ZUP1: variants seen among roughly 807,000 people sequenced by gnomAD.
The protein encoded by ZUP1 is zinc finger-containing ubiquitin peptidase 1.
In ZUP1, 55 loss-of-function variants were observed where a neutral mutation model predicts 68.1. The observed-to-expected ratio is 0.81, with a 90% CI of 0.65 to 1.01. The LOEUF (loss-of-function observed/expected upper bound fraction) is 1.01. ZUP1 is among the 50% of genes least tolerant of loss of function. The pLI, the probability that ZUP1 is intolerant of heterozygous loss-of-function variation, is 0.00. For missense variants in ZUP1, 684 were observed against 674.9 expected, an observed-to-expected ratio of 1.01 and a Z score of -0.15; for synonymous variants, 223 against 221.5, an observed-to-expected ratio of 1.01 and a Z score of -0.06.
At position 116,656,569 on chromosome 6, in the gene ZUP1, T is replaced by A. The variant is rs948707856; in HGVS notation, c.961+115A>T. The stretch of plus-strand genomic sequence containing the variant: ...CAGAAGTTTTAAAACAATACATTTT[T>A]AAAAAAATATTTGTGCACAGATTAT... On this transcript the variant is annotated intron_variant, in intron 5 of 9. Transcript: ENST00000368576. 45 of 807,154 alleles carry A rather than the reference T, an allele frequency of 5.6e-5. 1 individual carries two copies. The highest frequency in any genetic ancestry group is 4.8e-4 in the South Asian group (25 of 51,736). 50.0% of individuals were successfully genotyped at this position (807,154 alleles called of 1,614,324 possible).
Position 116,643,191 on chromosome 6 carries a change from T to G in ZUP1, c.1689+2523A>C, listed in dbSNP as rs368784879. Among the ~76,000 whole-genome samples the G allele has an allele frequency of 2.1e-3, 313 of 152,190 alleles. 8 individuals carry two copies. In the East Asian group the frequency reaches 0.045, roughly 22 times the overall value. On this transcript the variant is annotated intron_variant, in intron 9 of 9. Transcript: ENST00000368576. ...CACCGCTCAATGAAATAAAAGAGGA[T>G]ACAAACAAATGGAAGAACATTCTAT...
In ZUP1 at chr6:116,666,820, C is replaced by A; in HGVS notation, c.373G>T (p.Glu125Ter). Residue 125 changes from glutamate to a stop codon, truncating the protein, a stop_gained, in exon 2 of 10, where the codon GAA becomes TAA. Transcript: ENST00000368576. LOFTEE classifies it high-confidence loss of function. ...HEGFYSENLT[E>*]SRKFLKSREK... ...CTACTTTTCAGGAATTTTCTAGATT[C>A]AGTTAAGTTCTCTGAATAGAAGCCT... The A allele has an allele frequency of 1.2e-6, 2 of 1,612,804 alleles. No individual in the cohort carries two copies.
In ZUP1 at chr6:116,656,786, C is replaced by T; in HGVS notation, c.859G>A (p.Val287Ile). 1 of 1,610,642 alleles carries T rather than the reference C, an allele frequency of 6.2e-7. No individual in the cohort carries two copies. Reference sequence around the variant, plus strand: ...GATGGAGGCATTCTTCCCCTATTTACTTCTATCTCCATATTTCGTAGTTGT... The same window carrying T: ...GATGGAGGCATTCTTCCCCTATTTATTTCTATCTCCATATTTCGTAGTTGT... ...QQQLRNMEIEVNRGRMPPSEF... is the reference protein window; with the variant it reads ...QQQLRNMEIEINRGRMPPSEF... Residue 287 changes from valine to isoleucine, a missense_variant, in exon 5 of 10, where the codon GTA becomes ATA. By Grantham distance (29) the Val-to-Ile change is conservative. Transcript: ENST00000368576.
chr6:116,647,469 AAGAT>A lies in ZUP1; in HGVS notation c.1454_1457del (p.Tyr485PhefsTer24), dbSNP rs756262362. 8.9e-6 allele frequency: 14 copies of A among 1,566,022 alleles called. No individual in the cohort carries two copies. The highest frequency in any genetic ancestry group is 6.0e-5 in the South Asian group (5 of 83,170). Reference sequence around the variant, plus strand: ...TATATTAATACTAACCTTGATGCTGAAGATAGATAGGAGGTTTAGATGTACACAC... The same window carrying A: ...TATATTAATACTAACCTTGATGCTGAAGATAGGAGGTTTAGATGTACACAC... On this transcript the variant is annotated frameshift_variant, in exon 8 of 10. Coordinates refer to ENST00000368576, the MANE Select transcript of ZUP1 (RefSeq NM_145062.3). LOFTEE classifies it high-confidence loss of function.
intron 9 of ZUP1, among the ~76,000 whole-genome samples, chr6:116,639,069 G>A (rs752545427): frequency 4.6e-5 from 7 of 152,202 alleles, no homozygotes; most frequent in Admixed American, 1.3e-4. Flanking sequence ...CTACGCCCAC[G>A]GAGTCTCCCT....
rs1039255794 is a variant in ZUP1, at chr6:116,635,866, G to A, written c.1703C>T (p.Ala568Val). Residue 568 changes from alanine (A) to valine (V), a missense_variant, in exon 10 of 10, where the codon GCT (alanine) becomes GTT (valine). Coordinates refer to ENST00000368576, the MANE Select transcript of ZUP1 (RefSeq NM_145062.3). ...SLEEKLARRQ[A>V]SQVFTAEKIP ...CTTCTCGGCTGTAAAGACTTGAGAA[G>A]CTTGTCTCCTGGCCTTGAAAAGAAA... The A allele has an allele frequency of 3.8e-6, 6 of 1,595,392 alleles. No individual in the cohort carries two copies. The African/African-American group carries it at 8.1e-5, about 21-fold the overall frequency.
Position 116,652,008 on chromosome 6 carries a change from T to C in ZUP1, c.1146A>G (p.Leu382=). 1 of 1,613,784 alleles carries C rather than the reference T, an allele frequency of 6.2e-7. No individual in the cohort carries two copies. The highest frequency in any genetic ancestry group is 1.3e-5 in the African/African-American group (1 of 75,050). The change falls in exon 6 of 10, where the codon TTA becomes TTG. Residue 382 remains leucine, a synonymous_variant. Coordinates refer to ENST00000368576, the MANE Select transcript of ZUP1 (RefSeq NM_145062.3). ...LLQNDAYNDC[L]KGMLIPCIPK... ...AGAGTACTAGATTTCACATACCTTT[T>C]AAGCAATCGTTGTAAGCATCATTTT...
chr6:116,653,258 T>C (rs1192784986), intron 5 of ZUP1, among the ~76,000 whole-genome samples: 1 of 151,990 alleles, frequency 6.6e-6, no homozygotes, highest in East Asian at 1.9e-4. Flanking sequence ...TATTTTTGTG[T>C]CCCCAAGGTA....
Position 116,645,751 on chromosome 6 carries a change from A to G in ZUP1, c.1652T>C (p.Leu551Ser). The part of the protein sequence containing the change: ...GNLKHKQYQI[L>S]AVEGALSLEE... ...TAGAGAAAGAGCACCCTCTACTGCC[A>G]ATATCTGGTATTGCTTATGTTTTAA... Residue 551 changes from leucine (L) to serine (S), a missense_variant, in exon 9 of 10, where the codon TTG becomes TCG. Coordinates refer to ENST00000368576, the MANE Select transcript of ZUP1 (RefSeq NM_145062.3). The G allele has an allele frequency of 1.9e-6, 3 of 1,613,824 alleles. No individual in the cohort carries two copies. Among genetic ancestry groups the G allele is most frequent in the Non-Finnish European group, 2.5e-6 (3 of 1,179,896 alleles).
intron 2 of ZUP1, among the ~76,000 whole-genome samples, chr6:116,662,193 C>A (rs145748757): frequency 2.6e-5 from 4 of 152,084 alleles, no homozygotes; most frequent in South Asian, 2.1e-4. Context: ...GTAATGCTGG[C>A]GGATGTAAGA....
At chr6:116,645,121 C>T (rs1056192451) in intron 9 of ZUP1, among the ~76,000 whole-genome samples, 1 of 146,574 alleles carries the variant, frequency 6.8e-6, no homozygotes, top group Non-Finnish European at 1.5e-5. Context: ...ATTTAAAATG[C>T]AAAAAAATTA....
At chr6:116,667,308 T>C in intron 1 of ZUP1, 101 bp from the exon 2 acceptor site, 1 of 701,278 alleles carries the variant, frequency 1.4e-6, no homozygotes, top group Non-Finnish European at 2.1e-6. Flanking sequence ...TGGATTATTT[T>C]GATGAAGAAG....
At chr6:116,666,509 G>A in intron 2 of ZUP1, 125 bp downstream of exon 2, 1 of 650,196 alleles carries the variant, frequency 1.5e-6, no homozygotes, top group South Asian at 3.6e-5. Flanking sequence ...AATGAAAAAT[G>A]TTATAGACAT....
chr6:116,665,716 G>A (rs1391897991), intron 2 of ZUP1, among the ~76,000 whole-genome samples: 2 of 149,592 alleles, frequency 1.3e-5, no homozygotes, highest in African/African-American at 4.9e-5. Context: ...AATAGCTGGG[G>A]CTACAGACGC....
Position 116,656,793 on chromosome 6 carries a change from C to A in ZUP1, c.852G>T (p.Glu284Asp), listed in dbSNP as rs1351703575. The A allele has an allele frequency of 6.8e-6, 11 of 1,610,332 alleles. No homozygotes were observed. The highest frequency in any genetic ancestry group is 9.3e-6 in the Non-Finnish European group (11 of 1,177,572). ...GYKQQQLRNM[E>D]IEVNRGRMPP... ...GCATTCTTCCCCTATTTACTTCTAT[C>A]TCCATATTTCGTAGTTGTTGTTGTT... Residue 284 changes from glutamate (E) to aspartate (D), a missense_variant, in exon 5 of 10, where the codon GAG becomes GAT. Transcript: ENST00000368576.
chr6:116,656,655 A>T, intron 5 of ZUP1, 29 bp downstream of exon 5: 1 of 1,578,616 alleles, frequency 6.3e-7, no homozygotes, highest in Admixed American at 1.9e-5. Context: ...GCAATATTAA[A>T]ACAATGACTC....
intron 9 of ZUP1, 103 bp downstream of exon 9, chr6:116,645,611 T>C: frequency 4.0e-6 from 3 of 743,640 alleles, no homozygotes; most frequent in East Asian, 3.0e-5. Context: ...AGAAAAAGAA[T>C]AGAAAAAAAA....
chr6:116,639,145 G>A (rs751474816), intron 9 of ZUP1, among the ~76,000 whole-genome samples: 13 of 152,350 alleles, frequency 8.5e-5, no homozygotes, highest in African/African-American at 3.1e-4. Flanking sequence ...AGGGGTGCCC[G>A]CCATTGCCCA....
At chr6:116,651,499 TAA>T in intron 7 of ZUP1, 71 bp downstream of exon 7, 1 of 1,362,654 alleles carries the variant, frequency 7.3e-7, no homozygotes, top group Non-Finnish European at 9.9e-7. Context: ...ATCTCTTTGC[TAA>T]AAAATAAAAT....
Sources: allele counts gnomAD v4.1 joint callset (sites outside exome capture counted in the v4.1 genomes callset), GRCh38; gene constraint gnomAD v4.1.1; transcripts MANE v1.5; gene names NCBI Gene and HGNC (gene_info 2026-07-23, HGNC 2026-07-21).